FBXL17: variants seen among roughly 807,000 people sequenced by gnomAD.
FBXL17 encodes the protein F-box/LRR-repeat protein 17.
FBXL17 carries 22 observed loss-of-function variants against 66.2 expected under a neutral mutation model. That is an observed-to-expected ratio of 0.33 (90% confidence interval 0.24 to 0.47). The LOEUF is 0.47. Ranked by LOEUF, FBXL17 falls within the 20% of genes least tolerant of loss-of-function variation. The pLI is 1.00. For missense variants in FBXL17, 878 were observed against 948.2 expected, an observed-to-expected ratio of 0.93 and a Z score of 0.97; for synonymous variants, 474 against 400.5, an observed-to-expected ratio of 1.18 and a Z score of -2.19.
intron 7 of FBXL17, among the ~76,000 whole-genome samples, chr5:107,903,257 C>A (rs188242087): frequency 6.6e-6 from 1 of 152,038 alleles, no homozygotes; most frequent in South Asian, 2.1e-4. Context: ...ACTTGATACA[C>A]CTTTAAAATA....
intron 6 of FBXL17, among the ~76,000 whole-genome samples, chr5:108,124,541 T>C (rs1750623745): frequency 6.6e-6 from 1 of 152,088 alleles, no homozygotes; most frequent in Non-Finnish European, 1.5e-5. Context: ...CAGGAATGAC[T>C]AAACCAGACT....
At position 108,188,101 on chromosome 5, in the gene FBXL17, G is replaced by T. The variant is rs1481475586; in HGVS notation, c.1615-1854C>A. Among the ~76,000 whole-genome samples, 3 of 152,118 alleles carry T rather than the reference G, an allele frequency of 2.0e-5. No homozygotes were observed. The East Asian group carries it at 5.8e-4, about 29-fold the overall frequency. On this transcript the variant is annotated intron_variant, in intron 5 of 8. Transcript: ENST00000542267. ...TGTGGCTAACAGCTACAGTGTTGGT[G>T]GACAGGACAGCTCAAAAGAATGGTC...
chr5:108,216,077 T>C (rs1754587931), intron 5 of FBXL17, among the ~76,000 whole-genome samples: 1 of 152,370 alleles, frequency 6.6e-6, no homozygotes, highest in South Asian at 2.1e-4. Flanking sequence ...ATCAGTACTA[T>C]ACTGTTTTGG....
intron 1 of FBXL17, among the ~76,000 whole-genome samples, chr5:108,375,327 G>A (rs992860066): frequency 1.3e-5 from 2 of 151,102 alleles, no homozygotes; most frequent in African/African-American, 4.9e-5. Flanking sequence ...TATAAGCTAT[G>A]ATCACACCAC....
chr5:107,968,611 A>C (rs1042946789), intron 7 of FBXL17, among the ~76,000 whole-genome samples: 3 of 152,184 alleles, frequency 2.0e-5, no homozygotes, highest in African/African-American at 7.2e-5. Context: ...TCATTACAAA[A>C]ACCTAATGAA....
At chr5:108,079,124 T>C (rs1435388145) in intron 6 of FBXL17, among the ~76,000 whole-genome samples, 2 of 151,910 alleles carry the variant, frequency 1.3e-5, no homozygotes, top group East Asian at 3.9e-4. Context: ...GGTGGGATTA[T>C]GGGCATGAGT....
At chr5:108,072,197 T>A (rs1018363041) in intron 6 of FBXL17, among the ~76,000 whole-genome samples, 3 of 152,202 alleles carry the variant, frequency 2.0e-5, no homozygotes, top group Non-Finnish European at 4.4e-5. Context: ...ATTCCACGTG[T>A]CTATCTTCCT....
intron 4 of FBXL17, among the ~76,000 whole-genome samples, chr5:108,342,596 A>G (rs1746956225): frequency 6.6e-6 from 1 of 152,176 alleles, no homozygotes. Context: ...CAGGTAATGT[A>G]TCCATGCAAT....
At chr5:108,358,073 T>A (rs192082276) in intron 3 of FBXL17, among the ~76,000 whole-genome samples, 1 of 152,068 alleles carries the variant, frequency 6.6e-6, no homozygotes, top group African/African-American at 2.4e-5. Context: ...TTCAAATGGG[T>A]TTTTTGTGGT....
At chr5:108,181,045 C>T (rs1330464510) in intron 6 of FBXL17, among the ~76,000 whole-genome samples, 1 of 151,978 alleles carries the variant, frequency 6.6e-6, no homozygotes, top group African/African-American at 2.4e-5. Flanking sequence ...TTATTTAATT[C>T]TTATTAACAA....
chr5:107,938,204 T>C (rs1750973216), intron 7 of FBXL17, among the ~76,000 whole-genome samples: 1 of 151,940 alleles, frequency 6.6e-6, no homozygotes, highest in Admixed American at 6.6e-5. Context: ...ATGGGATTAA[T>C]GTAAGCCGGA....
chr5:108,333,774 A>C (rs1370889332), intron 4 of FBXL17, among the ~76,000 whole-genome samples: 1 of 152,222 alleles, frequency 6.6e-6, no homozygotes, highest in Non-Finnish European at 1.5e-5. Flanking sequence ...TTGTCTCTTT[A>C]AATTTTCTTT....
intron 7 of FBXL17, among the ~76,000 whole-genome samples, chr5:107,906,840 A>C (rs1043075428): frequency 1.3e-5 from 2 of 152,188 alleles, no homozygotes; most frequent in South Asian, 4.1e-4. Context: ...AAGAAACTAC[A>C]CATTCATTAA....
chr5:108,060,771 T>C (rs564988718), intron 6 of FBXL17, among the ~76,000 whole-genome samples: 65 of 152,016 alleles, frequency 4.3e-4, no homozygotes, highest in African/African-American at 1.5e-3. Flanking sequence ...TAAACCAAAC[T>C]TCCCAGAGTC....
chr5:108,104,583 C>G (rs1423051402), intron 6 of FBXL17, among the ~76,000 whole-genome samples: 1 of 152,184 alleles, frequency 6.6e-6, no homozygotes, highest in Non-Finnish European at 1.5e-5. Flanking sequence ...AAGATATAGT[C>G]TCTGTCCTCC....
chr5:108,126,538 T>C (rs1246829558), intron 6 of FBXL17, among the ~76,000 whole-genome samples: 1 of 151,812 alleles, frequency 6.6e-6, no homozygotes, highest in Non-Finnish European at 1.5e-5. Context: ...TTTATATTTT[T>C]ACCATCAGGC....
chr5:108,036,647 T>A (rs1746853435), intron 6 of FBXL17, among the ~76,000 whole-genome samples: 1 of 152,152 alleles, frequency 6.6e-6, no homozygotes, highest in Non-Finnish European at 1.5e-5. Flanking sequence ...TTGTATGAAG[T>A]ATGTCATCAT....
chr5:107,900,073 T>C (rs781347363), intron 7 of FBXL17, among the ~76,000 whole-genome samples: 23 of 152,214 alleles, frequency 1.5e-4, no homozygotes, highest in Non-Finnish European at 1.3e-4. Flanking sequence ...GCACCTTACA[T>C]ACACTAAATA....
chr5:108,174,358 T>C lies in FBXL17; in HGVS notation c.1745+11759A>G, dbSNP rs145572079. Among the ~76,000 whole-genome samples the C allele has an allele frequency of 5.5e-3, 834 of 152,368 alleles. 5 individuals are homozygous for C. The highest frequency in any genetic ancestry group is 0.014 in the Middle Eastern group (4 of 294). On this transcript the variant is annotated intron_variant, in intron 6 of 8. Transcript: ENST00000542267. ...AAATAGTGACTATTCTAACATTTTTTAATTATATTGCTCACTAATCTTAAT... is the reference window on the plus strand; with the variant it reads ...AAATAGTGACTATTCTAACATTTTTCAATTATATTGCTCACTAATCTTAAT...
Sources: gnomAD v4.1 joint callset for allele counts (sites outside exome capture counted in the v4.1 genomes callset) on GRCh38, gnomAD v4.1.1 for gene constraint, MANE v1.5 for transcripts, NCBI Gene and HGNC (gene_info 2026-07-23, HGNC 2026-07-21) for gene names.